The following ATP8A2 variants were observed in gnomAD, a reference collection of about 807,000 sequenced individuals.
The protein encoded by ATP8A2 is phospholipid-transporting ATPase IB.
In ATP8A2, 100 loss-of-function variants were observed where a neutral mutation model predicts 165.6. The observed-to-expected ratio is 0.60, with a 90% CI of 0.51 to 0.71. ATP8A2 has a LOEUF of 0.71. ATP8A2 is among the 30% of genes least tolerant of loss of function. ATP8A2 has a pLI of 0.00. For missense variants in ATP8A2, 1,227 were observed against 1,479.5 expected (o/e 0.83, Z 2.80); for synonymous variants, 543 against 548.8 (o/e 0.99, Z 0.15).
At chr13:26,008,039 A>G (rs1382573993) in intron 35 of ATP8A2, among the ~76,000 whole-genome samples, 1 of 152,180 alleles carries the variant, frequency 6.6e-6, no homozygotes, top group Non-Finnish European at 1.5e-5. Flanking sequence ...GAGAGGTCCA[A>G]TTTCAGGCTT....
intron 36 of ATP8A2, among the ~76,000 whole-genome samples, chr13:26,018,020 C>CCTGGCTCAG (rs1430816876): frequency 6.6e-6 from 1 of 152,200 alleles, no homozygotes; most frequent in African/African-American, 2.4e-5. Context: ...TTCTGTTCAC[C>CCTGGCTCAG]CTGGCTCAGC....
intron 1 of ATP8A2, among the ~76,000 whole-genome samples, chr13:25,399,621 C>G (rs1249156770): frequency 7.2e-6 from 1 of 138,762 alleles, no homozygotes; most frequent in African/African-American, 2.7e-5. Flanking sequence ...CCGGGATGGT[C>G]TCGATCTCCT....
chr13:25,657,043 ACT>A (rs1236358714), intron 24 of ATP8A2, among the ~76,000 whole-genome samples: 2 of 104,784 alleles, frequency 1.9e-5, no homozygotes, highest in Non-Finnish European at 3.6e-5. Context: ...ACAGATCGAG[ACT>A]CTGTCTCAAA....
At chr13:25,416,406 G>A (rs1016564325) in intron 1 of ATP8A2, among the ~76,000 whole-genome samples, 1 of 152,098 alleles carries the variant, frequency 6.6e-6, no homozygotes, top group African/African-American at 2.4e-5. Context: ...GGACTTGTTT[G>A]TGTTGCTGTT....
rs1168080740 is a variant in ATP8A2, at chr13:25,780,620, C to G, written c.2679+5661C>G. Among the ~76,000 whole-genome samples, 4 of 152,082 alleles carry G rather than the reference C, an allele frequency of 2.6e-5. 1 individual carries two copies. Among genetic ancestry groups the G allele is most frequent in the African/African-American group, 9.7e-5 (4 of 41,402 alleles). On this transcript the variant is annotated intron_variant, in intron 27 of 36. Coordinates refer to ENST00000381655, the MANE Select transcript of ATP8A2 (RefSeq NM_016529.6). ...CTTTATTATACTGCAGCAGAGATTCCCAACCTTTCTGGCACCAGACACTGG... is the reference window on the plus strand; with the variant it reads ...CTTTATTATACTGCAGCAGAGATTCGCAACCTTTCTGGCACCAGACACTGG...
intron 35 of ATP8A2, among the ~76,000 whole-genome samples, chr13:25,985,748 A>G (rs573488794): frequency 1.3e-5 from 2 of 152,316 alleles, no homozygotes; most frequent in South Asian, 4.1e-4. Context: ...TTGACAACCA[A>G]TTGACCGAAG....
At chr13:25,554,122 C>G (rs3132368) in intron 12 of ATP8A2, among the ~76,000 whole-genome samples, 104,802 of 152,034 alleles carry the variant, frequency 0.69, 37,652 homozygotes, top group African/African-American at 0.83. Context: ...CTATTCAAGG[C>G]GTTGTTGTGA....
At chr13:25,821,600 T>A (rs991900849) in intron 27 of ATP8A2, among the ~76,000 whole-genome samples, 5 of 152,248 alleles carry the variant, frequency 3.3e-5, no homozygotes, top group Non-Finnish European at 5.9e-5. Context: ...TGTTATTATT[T>A]TGTTTGTAAC....
chr13:25,829,076 G>A (rs1951389425), intron 28 of ATP8A2, among the ~76,000 whole-genome samples: 3 of 152,168 alleles, frequency 2.0e-5, no homozygotes. Flanking sequence ...AGTCTTCCAT[G>A]CTTTCACCCC....
chr13:25,480,299 A>ACC (rs1555278513), intron 2 of ATP8A2, among the ~76,000 whole-genome samples: 1 of 125,228 alleles, frequency 8.0e-6, no homozygotes, highest in Non-Finnish European at 1.7e-5. Flanking sequence ...CGGGGGGCTG[A>ACC]CCCCCACCTC....
At chr13:25,924,664 AATG>A (rs763525093) in intron 33 of ATP8A2, among the ~76,000 whole-genome samples, 18 of 152,038 alleles carry the variant, frequency 1.2e-4, no homozygotes, top group Non-Finnish European at 5.9e-5. Flanking sequence ...CTTAATGTAT[AATG>A]ATATTTTTTT....
At chr13:25,415,518 C>T (rs1314355272) in intron 1 of ATP8A2, among the ~76,000 whole-genome samples, 1 of 152,226 alleles carries the variant, frequency 6.6e-6, no homozygotes, top group East Asian at 1.9e-4. Context: ...ATGACACTCC[C>T]ACTTGAATTG....
In ATP8A2 at chr13:25,970,238, A is replaced by G. The variant is rs542150717; in HGVS notation, c.3377+1559A>G. The stretch of plus-strand genomic sequence containing the variant: ...GAGAATTTCAGAGCAAAACTCTCAA[A>G]CTCCTCTCAAACATTTTACAGGACG... On this transcript the variant is annotated intron_variant, in intron 35 of 36. Transcript: ENST00000381655. Among the ~76,000 whole-genome samples the G allele has an allele frequency of 2.1e-3, 322 of 152,342 alleles. 1 individual carries two copies. The highest frequency in any genetic ancestry group is 3.6e-3 in the Non-Finnish European group (242 of 68,024).
intron 28 of ATP8A2, among the ~76,000 whole-genome samples, chr13:25,829,670 A>ATG (rs1156330902): frequency 0.012 from 81 of 6,924 alleles, 1 homozygote; most frequent in African/African-American, 0.038. Flanking sequence ...CAGGTGTGGT[A>ATG]TATATATATA....
chr13:25,595,145 C>T (rs1228156572), intron 24 of ATP8A2, among the ~76,000 whole-genome samples: 2 of 152,148 alleles, frequency 1.3e-5, no homozygotes, highest in East Asian at 1.9e-4. Context: ...AAGAGATTTA[C>T]TACATATTTG....
chr13:25,862,193 T>C lies in ATP8A2; in HGVS notation c.3076-108T>C, dbSNP rs1311964483. On this transcript the variant is annotated intron_variant, in intron 32 of 36. Coordinates refer to ENST00000381655, the MANE Select transcript of ATP8A2 (RefSeq NM_016529.6). ...TTAACTGGTGAGTCATCAAAGTCTT[T>C]CCATAAGGAAAGGTAGCTTGGATGC... 2.1e-5 allele frequency: 15 copies of C among 720,116 alleles called. No homozygotes were observed. The Admixed American group carries it at 3.2e-4, about 15-fold the overall frequency. The allele number at this position is 720,116 out of a possible 1,614,324, so 44.6% of individuals were successfully genotyped here.
intron 25 of ATP8A2, among the ~76,000 whole-genome samples, chr13:25,711,392 A>G (rs1407293639): frequency 1.3e-5 from 2 of 152,192 alleles, no homozygotes; most frequent in South Asian, 4.2e-4. Flanking sequence ...GTATGGAATT[A>G]AAGTATTTTG....
chr13:25,745,759 A>G (rs564871645), intron 25 of ATP8A2, among the ~76,000 whole-genome samples: 5 of 152,364 alleles, frequency 3.3e-5, no homozygotes, highest in East Asian at 1.9e-4. Context: ...TCTAGTGCCA[A>G]TAGAACTTTG....
rs766187949 is a variant in ATP8A2 at position 25,860,195 on chromosome 13, A to G, written c.2957A>G (p.Asp986Gly). 3 of 1,608,876 alleles carry G rather than the reference A, an allele frequency of 1.9e-6. No homozygotes were observed. Among genetic ancestry groups the G allele is most frequent in the African/African-American group, 1.3e-5 (1 of 74,814 alleles). The change falls in exon 31 of 37, where the codon GAT becomes GGT. Residue 986 changes from aspartate to glycine, a missense_variant and splice_region_variant. Physicochemically the swap from Asp to Gly is moderately conservative, Grantham distance 94. Around this residue, in one of 5 missense-constraint regions of ATP8A2, gnomAD observed 260 missense variants for 245.1 expected, o/e 1.06. Coordinates refer to ENST00000381655, the MANE Select transcript of ATP8A2 (RefSeq NM_016529.6). ...TAATAGTAACTTCTTTGTTTTTCAG[A>G]TACTGTGTTGACAAGTGGTCATGCT... ...FWFPMKALEHDTVLTSGHATD... is the reference protein window; with the variant it reads ...FWFPMKALEHGTVLTSGHATD...
Sources: allele counts gnomAD v4.1 joint callset (sites outside exome capture counted in the v4.1 genomes callset), GRCh38; gene constraint gnomAD v4.1.1; regional missense constraint gnomAD v4.1.1; transcripts MANE v1.5; gene names NCBI Gene and HGNC (gene_info 2026-07-23, HGNC 2026-07-21).